HEATR3: variants seen among roughly 807,000 people sequenced by gnomAD.
HEATR3 encodes HEAT repeat-containing protein 3.
Under a neutral mutation model 72.8 loss-of-function variants are expected in HEATR3, and 56 were observed. That is an observed-to-expected ratio of 0.77 (90% CI 0.62 to 0.96). The LOEUF is 0.96. Ranked by LOEUF, HEATR3 falls within the 40% of genes least tolerant of loss-of-function variation. The pLI is 0.00. For missense variants in HEATR3, 747 were observed against 831.4 expected, an observed-to-expected ratio of 0.90 and a Z score of 1.25; for synonymous variants, 331 against 318.1, an observed-to-expected ratio of 1.04 and a Z score of -0.43.
intron 4 of HEATR3, among the ~76,000 whole-genome samples, chr16:50,071,128 C>T (rs1469998314): frequency 6.6e-6 from 1 of 152,182 alleles, no homozygotes; most frequent in Non-Finnish European, 1.5e-5. Context: ...GTGGAGTGGA[C>T]TTGCCGCTAG....
rs752575118 is a variant in HEATR3 at position 50,066,095 on chromosome 16, C to T, written c.-37C>T. The T allele has an allele frequency of 6.4e-6, 10 of 1,560,562 alleles. No individual in the cohort carries two copies. The South Asian group carries it at 7.0e-5, about 11-fold the overall frequency. On this transcript the variant is annotated 5_prime_UTR_variant, in exon 1 of 15. Coordinates refer to ENST00000299192, the MANE Select transcript of HEATR3 (RefSeq NM_182922.4). The stretch of plus-strand genomic sequence containing the variant: ...AGCCTCCACCGCCTGCTGTTGCCCT[C>T]CTCTCTCGGTGGTCTGTCCGCCCAG...
chr16:50,105,982 C>T lies in HEATR3; in HGVS notation c.*921C>T, dbSNP rs1228753307. On this transcript the variant is annotated 3_prime_UTR_variant, in exon 15 of 15. Transcript: ENST00000299192. ...CTCAAAGAGTGGAAGAGTGGAAGTG[C>T]GAAGGAATCTCAGGTAGCTCTTAAC... The T allele has an allele frequency of 1.3e-5, 2 of 152,086 alleles. No individual in the cohort carries two copies. Among genetic ancestry groups the T allele is most frequent in the Non-Finnish European group, 1.5e-5 (1 of 68,012 alleles). 9.4% of individuals were successfully genotyped at this position (152,086 alleles called of 1,614,324 possible). A position where few individuals can be genotyped will look rare whatever the true frequency, so the allele number is the denominator to read the frequency against.
At chr16:50,082,502 T>A (rs1348607637) in intron 7 of HEATR3, among the ~76,000 whole-genome samples, 1 of 151,916 alleles carries the variant, frequency 6.6e-6, no homozygotes, top group Non-Finnish European at 1.5e-5. Flanking sequence ...GATTTTTATA[T>A]AGGTTCTTGC....
intron 11 of HEATR3, among the ~76,000 whole-genome samples, chr16:50,090,038 T>C (rs1230840263): frequency 6.6e-6 from 1 of 152,078 alleles, no homozygotes; most frequent in Non-Finnish European, 1.5e-5. Flanking sequence ...GGGTTCTATA[T>C]GGATAGTGGG....
At chr16:50,094,649 A>G (rs2037191830) in intron 11 of HEATR3, 56 bp from the exon 12 acceptor site, 1 of 1,007,660 alleles carries the variant, frequency 9.9e-7, no homozygotes, top group Non-Finnish European at 1.5e-6. Flanking sequence ...TGTTGCTTCT[A>G]CAAAATAGCC....
At chr16:50,097,514 C>T (rs1263341236) in intron 12 of HEATR3, among the ~76,000 whole-genome samples, 2 of 151,596 alleles carry the variant, frequency 1.3e-5, no homozygotes, top group Non-Finnish European at 2.9e-5. Flanking sequence ...AGTAGGAGTC[C>T]CTTCAAATTG....
chr16:50,073,270 G>A (rs561549322), intron 5 of HEATR3: 2 of 153,254 alleles, frequency 1.3e-5, no homozygotes, highest in South Asian at 4.1e-4. Flanking sequence ...TTGGGCTGGG[G>A]AACCACTGGG....
At chr16:50,070,415 A>G in intron 4 of HEATR3, 125 bp downstream of exon 4, 2 of 421,884 alleles carry the variant, frequency 4.7e-6, no homozygotes, top group Non-Finnish European at 8.6e-6. Context: ...AAGACATGGT[A>G]GGGGCCGGAC....
In HEATR3 at chr16:50,104,917, ATTTTTTGTTT is replaced by A; in HGVS notation, c.1921-18_1921-9del. 6.4e-7 allele frequency: 1 copy of A among 1,565,742 alleles called. No homozygotes were observed. The highest frequency in any genetic ancestry group is 1.2e-5 in the South Asian group (1 of 82,940). Reference sequence around the variant, plus strand: ...AATCATATCTACCAAGTCATATATGATTTTTTGTTTTTTGTTTGCAGATACGTAAAGAAGG... The same window carrying A: ...AATCATATCTACCAAGTCATATATGATTTGTTTGCAGATACGTAAAGAAGG... On this transcript the variant is annotated splice_polypyrimidine_tract_variant and intron_variant, in intron 14 of 14. Coordinates refer to ENST00000299192, the MANE Select transcript of HEATR3 (RefSeq NM_182922.4).
In HEATR3 at chr16:50,107,012, T is replaced by C. The variant is rs761861341; in HGVS notation, c.*1951T>C. 6.6e-6 allele frequency among the ~76,000 whole-genome samples: 1 copy of C among 152,276 alleles called. No individual in the cohort carries two copies. The highest frequency in any genetic ancestry group is 1.5e-5 in the Non-Finnish European group (1 of 68,020). On this transcript the variant is annotated 3_prime_UTR_variant, in exon 15 of 15. Transcript: ENST00000299192. ...TAAGGTATATATGTATGTTTAGTGA[T>C]CATTTCAGCTAAATGATTGGCCCAA... is the stretch of plus-strand genomic sequence containing the variant.
Position 50,086,435 on chromosome 16 carries a change from G to A in HEATR3, c.1510+84G>A. On this transcript the variant is annotated intron_variant, in intron 11 of 14. Transcript: ENST00000299192. ...AATTTGGATTTTGTAAATGTATATTGTTTGTCATCCAATGTGCAGAAACCT... is the reference window on the plus strand; with the variant it reads ...AATTTGGATTTTGTAAATGTATATTATTTGTCATCCAATGTGCAGAAACCT... 4 of 1,399,250 alleles carry A rather than the reference G, an allele frequency of 2.9e-6. No individual in the cohort carries two copies. In the South Asian group the frequency reaches 5.7e-5, roughly 20 times the overall value. 86.7% of individuals were successfully genotyped at this position (1,399,250 alleles called of 1,614,324 possible).
intron 11 of HEATR3, among the ~76,000 whole-genome samples, chr16:50,087,181 C>T (rs137916557): frequency 7.2e-5 from 11 of 152,090 alleles, no homozygotes; most frequent in Non-Finnish European, 1.0e-4. Flanking sequence ...GGCATGCGTG[C>T]GTGTGTGTAA....
intron 11 of HEATR3, among the ~76,000 whole-genome samples, chr16:50,091,093 A>G (rs2037098950): frequency 6.6e-6 from 1 of 151,640 alleles, no homozygotes; most frequent in African/African-American, 2.4e-5. Context: ...GCAGTGAGCC[A>G]AGATTGCACC....
chr16:50,067,488 C>T (rs1223877034), intron 2 of HEATR3, among the ~76,000 whole-genome samples: 2 of 150,758 alleles, frequency 1.3e-5, no homozygotes, highest in Non-Finnish European at 2.9e-5. Context: ...AGCGAAGCAG[C>T]AGGCAGCTTG....
intron 11 of HEATR3, among the ~76,000 whole-genome samples, chr16:50,087,041 A>G (rs942221812): frequency 1.3e-5 from 2 of 152,226 alleles, no homozygotes; most frequent in Non-Finnish European, 2.9e-5. Context: ...TTATTAGAGG[A>G]CAGAAACTGG....
At chr16:50,088,214 C>T (rs977979169) in intron 11 of HEATR3, among the ~76,000 whole-genome samples, 1 of 152,220 alleles carries the variant, frequency 6.6e-6, no homozygotes, top group Non-Finnish European at 1.5e-5. Flanking sequence ...GTTCTTTAGA[C>T]ATCTGTTTTA....
intron 11 of HEATR3, among the ~76,000 whole-genome samples, chr16:50,086,645 C>A (rs1055039956): frequency 3.3e-5 from 5 of 152,154 alleles, no homozygotes; most frequent in African/African-American, 1.2e-4. Context: ...TTGGATAATT[C>A]TCAGCCAAGC....
rs1307120019 is a variant in HEATR3, at chr16:50,084,609, A to G, written c.1331A>G (p.Asp444Gly). Residue 444 changes from aspartate (D) to glycine (G), a missense_variant, in exon 10 of 15, where the codon GAC becomes GGC. By Grantham distance (94) the Asp-to-Gly change is moderately conservative. Coordinates refer to ENST00000299192, the MANE Select transcript of HEATR3 (RefSeq NM_182922.4). ...GCCTTTCCAAACAGCATTGCAGTTG[A>G]CCTATGTTCTAGGAACCCTACTTGG... ...KTAFPNSIAVDLCSRNPTWKP... is the reference protein window; with the variant it reads ...KTAFPNSIAVGLCSRNPTWKP... The G allele has an allele frequency of 6.2e-7, 1 of 1,613,260 alleles. No individual in the cohort carries two copies. The highest frequency in any genetic ancestry group is 1.3e-5 in the African/African-American group (1 of 75,032).
chr16:50,105,114 A>AGTATT lies in HEATR3; in HGVS notation c.*53_*54insGTATT. 1 of 1,546,492 alleles carries AGTATT rather than the reference A, an allele frequency of 6.5e-7. No homozygotes were observed. The highest frequency in any genetic ancestry group is 8.8e-7 in the Non-Finnish European group (1 of 1,132,898). ...CCCCAAAGTATTCAATGCTTAGAAT[A>AGTATT]CTAAAAGGTTTTCTTTGAATGTATA... is the stretch of plus-strand genomic sequence containing the variant. On this transcript the variant is annotated 3_prime_UTR_variant, in exon 15 of 15. Coordinates refer to ENST00000299192, the MANE Select transcript of HEATR3 (RefSeq NM_182922.4).
Sources: allele counts gnomAD v4.1 joint callset (sites outside exome capture counted in the v4.1 genomes callset), GRCh38; gene constraint gnomAD v4.1.1; transcripts MANE v1.5; gene names NCBI Gene and HGNC (gene_info 2026-07-23, HGNC 2026-07-21).